The following GNAI1 variants were observed in gnomAD, a reference collection of about 807,000 sequenced individuals.
The protein encoded by GNAI1 is G protein subunit alpha i1.
Under a neutral mutation model 38.9 loss-of-function variants are expected in GNAI1, and 11 were observed. The ratio of observed to expected loss-of-function variants is 0.28; its 90% confidence interval spans 0.18 to 0.47. The LOEUF is 0.47. GNAI1 is among the 20% of genes least tolerant of loss of function. GNAI1 has a pLI of 0.99. For missense variants in GNAI1, 317 were observed against 436.9 expected (o/e 0.73, Z 2.45); for synonymous variants, 166 against 145.1 (o/e 1.14, Z -1.04).
chr7:80,189,097 C>T lies in GNAI1; in HGVS notation c.169C>T (p.His57Tyr). ...STIVKQMKII[H>Y]EAGYSEEECK... ...TCCCTTTTGTCTCATTAGAATTATC[C>T]ATGAAGCTGGTTATTCAGAAGAGGA... Residue 57 changes from histidine to tyrosine, a missense_variant, in exon 3 of 8, where the codon CAT becomes TAT. His to Tyr is a moderately conservative substitution (Grantham distance 83, BLOSUM62 2). Transcript: ENST00000649796. 6.2e-7 allele frequency: 1 copy of T among 1,604,788 alleles called. No homozygotes were observed. The highest frequency in any genetic ancestry group is 8.5e-7 in the Non-Finnish European group (1 of 1,175,168).
intron 5 of GNAI1, among the ~76,000 whole-genome samples, 189 bp from the exon 6 acceptor site, chr7:80,210,780 A>G (rs532424996): frequency 6.7e-6 from 1 of 150,156 alleles, no homozygotes; most frequent in Admixed American, 6.6e-5. Context: ...AATTTTAAAA[A>G]CTAGCAGGTT....
At chr7:80,202,585 A>G (rs1295920259) in intron 4 of GNAI1, among the ~76,000 whole-genome samples, 3 of 152,236 alleles carry the variant, frequency 2.0e-5, no homozygotes, top group Non-Finnish European at 1.5e-5. Context: ...CCAATGTGAT[A>G]ATAAGATTCT....
Position 80,135,654 on chromosome 7 carries a change from C to CCCG in GNAI1, c.118+378_118+379insGCC, listed in dbSNP as rs1554345574. 11 of 159,560 alleles carry CCCG rather than the reference C, an allele frequency of 6.9e-5. 4 individuals carry two copies. Among genetic ancestry groups the CCCG allele is most frequent in the East Asian group, 6.1e-4 (4 of 6,530 alleles). 9.9% of individuals were successfully genotyped at this position (159,560 alleles called of 1,614,324 possible). A position where few individuals can be genotyped will look rare whatever the true frequency, so the allele number is the denominator to read the frequency against. ...GCGGCTAGAAAATGAAAACACCCCC[C>CCCG]CCCCCGCGCCACCAACCCCCTCCCG... On this transcript the variant is annotated intron_variant, in intron 1 of 7. Coordinates refer to ENST00000649796, the MANE Select transcript of GNAI1 (RefSeq NM_002069.6).
In GNAI1 at chr7:80,163,497, C is replaced by G. The variant is rs111531609; in HGVS notation, c.119-25454C>G. ...ATTAATTATATTCAACTGAAATTCA[C>G]TTACATAACTACTTAGCTCAAACCA... is the stretch of plus-strand genomic sequence containing the variant. On this transcript the variant is annotated intron_variant, in intron 1 of 7. Coordinates refer to ENST00000649796, the MANE Select transcript of GNAI1 (RefSeq NM_002069.6). Among the ~76,000 whole-genome samples the G allele has an allele frequency of 2.3e-3, 344 of 152,310 alleles. 1 individual carries two copies. The highest frequency in any genetic ancestry group is 7.7e-3 in the African/African-American group (322 of 41,560).
At position 80,222,964 on chromosome 7, in the gene GNAI1, A is replaced by G. The variant is rs1342655733; in HGVS notation, c.*5471A>G. 6.6e-6 allele frequency among the ~76,000 whole-genome samples: 1 copy of G among 152,224 alleles called. No individual in the cohort carries two copies. The highest frequency in any genetic ancestry group is 1.5e-5 in the Non-Finnish European group (1 of 68,030). On this transcript the variant is annotated 3_prime_UTR_variant, in exon 8 of 8. Transcript: ENST00000649796. ...AGGTGCTCAGAACACTTAGATTAGC[A>G]TACAGTTGGACAAGATAGCATAAAG...
At chr7:80,161,422 C>G (rs527468964) in intron 1 of GNAI1, among the ~76,000 whole-genome samples, 1 of 152,172 alleles carries the variant, frequency 6.6e-6, no homozygotes, top group South Asian at 2.1e-4. Context: ...GAGTACAGCT[C>G]TGGTGATTAC....
At chr7:80,197,114 A>G (rs1788591228) in intron 3 of GNAI1, among the ~76,000 whole-genome samples, 1 of 150,172 alleles carries the variant, frequency 6.7e-6, no homozygotes, top group Non-Finnish European at 1.5e-5. Context: ...CCCACCCCAT[A>G]ACCATAACTA....
chr7:80,212,605 G>A (rs559467114), intron 6 of GNAI1, 111 bp from the exon 7 acceptor site: 22 of 585,490 alleles, frequency 3.8e-5, no homozygotes, highest in African/African-American at 2.9e-4. Flanking sequence ...TTTGTGATAC[G>A]TATTTTTCAA....
At chr7:80,152,093 A>G (rs757723677) in intron 1 of GNAI1, among the ~76,000 whole-genome samples, 12 of 152,180 alleles carry the variant, frequency 7.9e-5, no homozygotes, top group Admixed American at 7.9e-4. Flanking sequence ...GGTGGCAGGT[A>G]GTATTAATCT....
intron 1 of GNAI1, among the ~76,000 whole-genome samples, chr7:80,166,362 G>C (rs1242053208): frequency 6.6e-6 from 1 of 151,960 alleles, no homozygotes; most frequent in Non-Finnish European, 1.5e-5. Context: ...TTGATTGTTG[G>C]AGAAAACAGA....
intron 1 of GNAI1, among the ~76,000 whole-genome samples, chr7:80,182,214 G>A (rs1562834488): frequency 6.6e-6 from 1 of 152,102 alleles, no homozygotes; most frequent in Admixed American, 6.5e-5. Context: ...ATTTCATTGT[G>A]TATATATACA....
rs199522169 is a variant in GNAI1 at position 80,211,035 on chromosome 7, G to A, written c.657G>A (p.Thr219=). 3.5e-5 allele frequency: 56 copies of A among 1,613,016 alleles called. 2 individuals are homozygous for A. In the South Asian group the frequency reaches 5.1e-4, roughly 15 times the overall value. ...KKWIHCFEGV[T]AIIFCVALSD... is the part of the protein sequence containing the mutation. ...GGATTCATTGCTTCGAAGGAGTGAC[G>A]GCGATCATCTTCTGTGTAGCACTGA... is the stretch of plus-strand genomic sequence containing the variant. Residue 219 remains threonine (T), a synonymous_variant, in exon 6 of 8, where the codon ACG becomes ACA. Transcript: ENST00000649796.
chr7:80,171,143 A>C (rs186226192), intron 1 of GNAI1, among the ~76,000 whole-genome samples: 1 of 152,324 alleles, frequency 6.6e-6, no homozygotes, highest in East Asian at 1.9e-4. Flanking sequence ...GATTAAAATT[A>C]TGATGTGATG....
chr7:80,157,962 G>T (rs1218055412), intron 1 of GNAI1, among the ~76,000 whole-genome samples: 1 of 152,120 alleles, frequency 6.6e-6, no homozygotes, highest in African/African-American at 2.4e-5. Context: ...ATCCACTTTG[G>T]CCTCCCAAAG....
At chr7:80,189,022 G>T in intron 2 of GNAI1, 29 bp downstream of exon 2, 2 of 1,604,270 alleles carry the variant, frequency 1.2e-6, no homozygotes, top group Non-Finnish European at 1.7e-6. Flanking sequence ...CAAATTTGCT[G>T]TTTAAGTTAG....
At chr7:80,168,473 C>T (rs919842776) in intron 1 of GNAI1, among the ~76,000 whole-genome samples, 6 of 152,066 alleles carry the variant, frequency 3.9e-5, no homozygotes, top group African/African-American at 9.7e-5. Context: ...CTGCAAGCTC[C>T]GCCTCCTGGG....
At chr7:80,203,429 T>G (rs1788723026) in intron 4 of GNAI1, among the ~76,000 whole-genome samples, 1 of 152,140 alleles carries the variant, frequency 6.6e-6, no homozygotes, top group African/African-American at 2.4e-5. Flanking sequence ...TCTTTTTCCT[T>G]TGAATCACTG....
At chr7:80,204,198 A>T (rs1788734368) in intron 5 of GNAI1, among the ~76,000 whole-genome samples, 2 of 152,130 alleles carry the variant, frequency 1.3e-5, no homozygotes. Flanking sequence ...TTTTACTGAT[A>T]GCATAAGTGC....
At chr7:80,137,312 C>CTTTTTTTTTTTTTTTTTTTTTTTTTTTTT (rs1787435883) in intron 1 of GNAI1, among the ~76,000 whole-genome samples, 1 of 66,956 alleles carries the variant, frequency 1.5e-5, no homozygotes, top group Non-Finnish European at 2.9e-5. Flanking sequence ...TTTTTCTTTT[C>CTTTTTTTTTTTTTTTTTTTTTTTTTTTTT]TTTTCTTTTT....
Sources: gnomAD v4.1 joint callset for allele counts (sites outside exome capture counted in the v4.1 genomes callset) on GRCh38, gnomAD v4.1.1 for gene constraint, MANE v1.5 for transcripts, NCBI Gene and HGNC (gene_info 2026-07-23, HGNC 2026-07-21) for gene names.